Variants in CADM2 observed in about 807,000 individuals in gnomAD.
CADM2 encodes the protein cell adhesion molecule 2.
CADM2 carries 12 observed loss-of-function variants against 49.8 expected under a neutral mutation model. The ratio of observed to expected loss-of-function variants is 0.24; its 90% CI spans 0.15 to 0.39. CADM2 has a LOEUF of 0.39. CADM2 is among the 10% of genes least tolerant of loss of function. CADM2 has a pLI of 1.00. For synonymous variants in CADM2, 214 were observed against 175.4 expected (o/e 1.22, Z -1.74); for missense variants, 378 against 492.3 (o/e 0.77, Z 2.20).
At chr3:85,478,895 T>C (rs1419041173) in intron 1 of CADM2, among the ~76,000 whole-genome samples, 1 of 151,960 alleles carries the variant, frequency 6.6e-6, no homozygotes, top group African/African-American at 2.4e-5. Flanking sequence ...CATTTATCAG[T>C]TACTCCTTTG....
At chr3:85,766,918 G>A (rs2069683029) in intron 2 of CADM2, among the ~76,000 whole-genome samples, 1 of 151,950 alleles carries the variant, frequency 6.6e-6, no homozygotes, top group African/African-American at 2.4e-5. Context: ...TTTATGTATT[G>A]TGTTTAATAA....
rs1383296071 is a variant in CADM2, at chr3:85,245,523, GATA to G, written c.61+285864_61+285866del. ...GAGGCTCTGTCTCAAAAAAAAAAAA[GATA>G]ATAATAATTAATAAATAAAATAAAG... On this transcript the variant is annotated intron_variant, in intron 1 of 9. Transcript: ENST00000383699. Among the ~76,000 whole-genome samples the G allele has an allele frequency of 2.0e-5, 3 of 148,992 alleles. No individual in the cohort carries two copies. The East Asian group carries it at 5.8e-4, about 29-fold the overall frequency.
chr3:85,958,307 G>A (rs1024204060), intron 7 of CADM2, among the ~76,000 whole-genome samples: 2 of 152,012 alleles, frequency 1.3e-5, no homozygotes, highest in East Asian at 1.9e-4. Flanking sequence ...ATAGATGCTG[G>A]CAAGGCTGTG....
At chr3:85,320,689 T>C (rs1414471987) in intron 1 of CADM2, among the ~76,000 whole-genome samples, 1 of 152,168 alleles carries the variant, frequency 6.6e-6, no homozygotes, top group Non-Finnish European at 1.5e-5. Flanking sequence ...TGCCTTGTCT[T>C]TTCCAATGTC....
chr3:86,041,725 G>T (rs896171019), intron 8 of CADM2, among the ~76,000 whole-genome samples: 1 of 152,118 alleles, frequency 6.6e-6, no homozygotes, highest in African/African-American at 2.4e-5. Flanking sequence ...TCTGCACCAA[G>T]GGGACATAAT....
chr3:85,299,203 C>G (rs1421503153), intron 1 of CADM2, among the ~76,000 whole-genome samples: 3 of 152,054 alleles, frequency 2.0e-5, no homozygotes, highest in Non-Finnish European at 4.4e-5. Context: ...CATTTATTTA[C>G]AAACGAATAA....
At chr3:85,136,920 T>C (rs926551620) in intron 1 of CADM2, among the ~76,000 whole-genome samples, 17 of 151,990 alleles carry the variant, frequency 1.1e-4, no homozygotes, top group Non-Finnish European at 2.1e-4. Flanking sequence ...AAGATGTCAT[T>C]GTCATAGGCT....
chr3:85,039,368 A>G (rs958669213), intron 1 of CADM2, among the ~76,000 whole-genome samples: 1 of 145,904 alleles, frequency 6.9e-6, no homozygotes, highest in Non-Finnish European at 1.5e-5. Context: ...AAGATAATGT[A>G]TTTTTTTTTT....
intron 1 of CADM2, among the ~76,000 whole-genome samples, chr3:85,200,719 T>C (rs1165064626): frequency 6.6e-6 from 1 of 152,112 alleles, no homozygotes; most frequent in Admixed American, 6.6e-5. Context: ...AGAGTACAAA[T>C]AAAAATGTTG....
chr3:85,834,206 A>G (rs1438665320), intron 3 of CADM2, among the ~76,000 whole-genome samples: 1 of 151,684 alleles, frequency 6.6e-6, no homozygotes, highest in Non-Finnish European at 1.5e-5. Context: ...ATGCTTAAAA[A>G]GAGAAAAAAA....
At chr3:85,714,604 T>C (rs2067224256) in intron 1 of CADM2, among the ~76,000 whole-genome samples, 1 of 149,762 alleles carries the variant, frequency 6.7e-6, no homozygotes, top group South Asian at 2.1e-4. Flanking sequence ...TTTTTTTGTA[T>C]TTTTTTTAGT....
chr3:85,857,733 A>G (rs1466657299), intron 3 of CADM2, among the ~76,000 whole-genome samples: 3 of 152,204 alleles, frequency 2.0e-5, no homozygotes, highest in African/African-American at 7.2e-5. Flanking sequence ...CTTAGATCTT[A>G]GCACTTAACA....
intron 8 of CADM2, among the ~76,000 whole-genome samples, chr3:85,982,314 T>A (rs181290864): frequency 2.1e-4 from 32 of 151,614 alleles, no homozygotes; most frequent in African/African-American, 7.0e-4. Context: ...CCTTAAACAC[T>A]CAACCAACCT....
At chr3:85,581,441 A>T (rs2062794225) in intron 1 of CADM2, among the ~76,000 whole-genome samples, 1 of 152,022 alleles carries the variant, frequency 6.6e-6, no homozygotes, top group African/African-American at 2.4e-5. Context: ...TCAAGAAAAA[A>T]AAAAAAAGGA....
chr3:85,170,844 A>G (rs1282182268), intron 1 of CADM2, among the ~76,000 whole-genome samples: 1 of 152,186 alleles, frequency 6.6e-6, no homozygotes, highest in Non-Finnish European at 1.5e-5. Context: ...TATATAGAAC[A>G]GAGTTGAACT....
At chr3:85,237,681 A>G (rs547014597) in intron 1 of CADM2, among the ~76,000 whole-genome samples, 2 of 151,812 alleles carry the variant, frequency 1.3e-5, no homozygotes, top group South Asian at 4.1e-4. Context: ...TTCTTTTTAT[A>G]TGGTTACTCT....
intron 1 of CADM2, among the ~76,000 whole-genome samples, chr3:85,711,074 G>A (rs1307171798): frequency 6.6e-6 from 1 of 152,056 alleles, no homozygotes; most frequent in Non-Finnish European, 1.5e-5. Flanking sequence ...CATGTAAACT[G>A]TTGGGATTTC....
At chr3:85,499,582 T>C (rs1435592883) in intron 1 of CADM2, among the ~76,000 whole-genome samples, 3 of 151,630 alleles carry the variant, frequency 2.0e-5, no homozygotes, top group African/African-American at 7.2e-5. Flanking sequence ...AAGTAGTAAT[T>C]TAATTCTAAA....
intron 1 of CADM2, among the ~76,000 whole-genome samples, chr3:85,432,264 G>T (rs533809893): frequency 6.6e-6 from 1 of 151,804 alleles, no homozygotes; most frequent in Non-Finnish European, 1.5e-5. Context: ...CGCAGCCATA[G>T]AAGTGGGATG....
Sources: allele counts gnomAD v4.1 joint callset (sites outside exome capture counted in the v4.1 genomes callset), GRCh38; gene constraint gnomAD v4.1.1; transcripts MANE v1.5; gene names NCBI Gene and HGNC (gene_info 2026-07-23, HGNC 2026-07-21).